The following SPESP1 variants were observed in gnomAD, a reference collection of about 807,000 sequenced individuals.
SPESP1 encodes equatorial segment protein.
A neutral mutation model predicts 3.1 loss-of-function variants in SPESP1; 1 was observed. That is an observed-to-expected ratio of 0.33 (90% CI 0.12 to 1.54). SPESP1 has a LOEUF of 1.54. Among genes scored for constraint, SPESP1 ranks in the 40% most tolerant of loss-of-function variants. The pLI is 0.38. For synonymous variants in SPESP1, 138 were observed against 150.7 expected (o/e 0.92, Z 0.62); for missense variants, 398 against 410.1 (o/e 0.97, Z 0.26).
chr15:68,933,794 G>A (rs1895614200), intron 1 of SPESP1, among the ~76,000 whole-genome samples: 1 of 151,912 alleles, frequency 6.6e-6, no homozygotes, highest in South Asian at 2.1e-4. Context: ...AGGAGGTAGA[G>A]GTTGCAGTGA....
chr15:68,942,016 G>T (rs567177833), intron 1 of SPESP1, among the ~76,000 whole-genome samples: 1 of 152,080 alleles, frequency 6.6e-6, no homozygotes, highest in Non-Finnish European at 1.5e-5. Flanking sequence ...TACAGTTGGG[G>T]TTTCACCATG....
At position 68,945,715 on chromosome 15, in the gene SPESP1, C is replaced by T. The variant is rs750169988; in HGVS notation, c.181C>T (p.Pro61Ser). 4.3e-6 allele frequency: 7 copies of T among 1,614,034 alleles called. No individual in the cohort carries two copies. The highest frequency in any genetic ancestry group is 5.9e-6 in the Non-Finnish European group (7 of 1,180,006). ...AGGTCGTGAGAAAAAATCTAACTCTCCAAAACATGTTTATTCTATAGCATC... is the reference window on the plus strand; with the variant it reads ...AGGTCGTGAGAAAAAATCTAACTCTTCAAAACATGTTTATTCTATAGCATC... ...EPGREKKSNS[P>S]KHVYSIASKG... Residue 61 changes from proline (P) to serine (S), a missense_variant, in exon 2 of 2, where the codon CCA (proline) becomes TCA (serine). By Grantham distance (74) the Pro-to-Ser change is moderately conservative. Coordinates refer to ENST00000310673, the MANE Select transcript of SPESP1 (RefSeq NM_145658.4).
At chr15:68,934,463 A>C (rs1384281917) in intron 1 of SPESP1, among the ~76,000 whole-genome samples, 1 of 152,210 alleles carries the variant, frequency 6.6e-6, no homozygotes, top group Non-Finnish European at 1.5e-5. Context: ...ACAGCATTTA[A>C]AAGGTCTCTC....
rs771973965 is a variant in SPESP1 at position 68,946,055 on chromosome 15, T to C, written c.521T>C (p.Val174Ala). 2.2e-5 allele frequency: 36 copies of C among 1,614,070 alleles called. No homozygotes were observed. The highest frequency in any genetic ancestry group is 3.1e-5 in the Non-Finnish European group (36 of 1,180,034). ...VVTESSTSPY[V>A]TSYKSPVTTL... is the part of the protein sequence containing the mutation. Reference sequence around the variant, plus strand: ...ACTGAATCATCTACAAGTCCATATGTTACCTCATACAAGTCACCTGTCACC... The same window carrying C: ...ACTGAATCATCTACAAGTCCATATGCTACCTCATACAAGTCACCTGTCACC... The change falls in exon 2 of 2, where the codon GTT becomes GCT. Residue 174 changes from valine (V) to alanine (A), a missense_variant. Coordinates refer to ENST00000310673, the MANE Select transcript of SPESP1 (RefSeq NM_145658.4).
chr15:68,946,472 A>G lies in SPESP1; in HGVS notation c.938A>G (p.Tyr313Cys). 3 of 1,613,760 alleles carry G rather than the reference A, an allele frequency of 1.9e-6. No individual in the cohort carries two copies. Among genetic ancestry groups the G allele is most frequent in the Non-Finnish European group, 2.5e-6 (3 of 1,179,946 alleles). ...AATTCTAGATCTAAACTCTATGAATATTTAGATATTAAATGTGTTCCACCA... is the reference window on the plus strand; with the variant it reads ...AATTCTAGATCTAAACTCTATGAATGTTTAGATATTAAATGTGTTCCACCA... ...LCNSRSKLYE[Y>C]LDIKCVPPEM... The change falls in exon 2 of 2, where the codon TAT becomes TGT. Residue 313 changes from tyrosine to cysteine, a missense_variant. Physicochemically the swap from Tyr to Cys is radical, Grantham distance 194. Transcript: ENST00000310673.
chr15:68,938,704 A>G (rs1895743344), intron 1 of SPESP1, among the ~76,000 whole-genome samples: 1 of 152,238 alleles, frequency 6.6e-6, no homozygotes, highest in African/African-American at 2.4e-5. Context: ...CTTTGCCAGC[A>G]TCCTTGTGTC....
Position 68,946,397 on chromosome 15 carries a change from G to A in SPESP1, c.863G>A (p.Arg288Gln), listed in dbSNP as rs142183563. The A allele has an allele frequency of 1.2e-5, 19 of 1,613,840 alleles. No individual in the cohort carries two copies. Among genetic ancestry groups the A allele is most frequent in the Middle Eastern group, 1.6e-4 (1 of 6,084 alleles). ...MYKSQLLPVG[R>Q]TSNKIDDIET... ...AAGTCCCAGTTATTGCCAGTAGGAC[G>A]AACAAGTAATAAAATTGATGACATC... Residue 288 changes from arginine to glutamine, a missense_variant, in exon 2 of 2, where the codon CGA (arginine) becomes CAA (glutamine). Physicochemically the swap from Arg to Gln is conservative, Grantham distance 43. Transcript: ENST00000310673.
Position 68,930,682 on chromosome 15 carries a change from T to A in SPESP1, c.29T>A (p.Leu10His). 1.2e-6 allele frequency: 2 copies of A among 1,614,006 alleles called. No individual in the cohort carries two copies. Among genetic ancestry groups the A allele is most frequent in the South Asian group, 2.2e-5 (2 of 91,092 alleles). The change falls in exon 1 of 2, where the codon CTT (leucine) becomes CAT (histidine). Residue 10 changes from leucine to histidine, a missense_variant. By Grantham distance (99) the Leu-to-His change is moderately conservative (BLOSUM62 -3). Coordinates refer to ENST00000310673, the MANE Select transcript of SPESP1 (RefSeq NM_145658.4). ...AAGCCCTTAGTCCTTCTAGTTGCGC[T>A]TTTGCTATGGCCTTCGTCTGTGCCG... is the stretch of plus-strand genomic sequence containing the variant. MKPLVLLVA[L>H]LLWPSSVPAY...
At position 68,946,537 on chromosome 15, in the gene SPESP1, A is replaced by C; in HGVS notation, c.1003A>C (p.Lys335Gln). Residue 335 changes from lysine to glutamine, a missense_variant, in exon 2 of 2, where the codon AAA becomes CAA. Coordinates refer to ENST00000310673, the MANE Select transcript of SPESP1 (RefSeq NM_145658.4). ...AGCTGCTACAGTATTCAATACATTA[A>C]AAAATATGTGTAGATCAAGGAGAGT... ...EKAATVFNTL[K>Q]NMCRSRRVTA... 1 of 1,582,810 alleles carries C rather than the reference A, an allele frequency of 6.3e-7. No homozygotes were observed. Among genetic ancestry groups the C allele is most frequent in the Non-Finnish European group, 8.5e-7 (1 of 1,170,726 alleles).
intron 1 of SPESP1, among the ~76,000 whole-genome samples, chr15:68,932,874 A>G (rs1895586052): frequency 6.6e-6 from 1 of 152,252 alleles, no homozygotes; most frequent in Non-Finnish European, 1.5e-5. Flanking sequence ...TGGAATATGT[A>G]ATTACCTTTC....
chr15:68,940,725 A>C (rs967839186), intron 1 of SPESP1, among the ~76,000 whole-genome samples: 1 of 146,208 alleles, frequency 6.8e-6, no homozygotes, highest in Non-Finnish European at 1.5e-5. Flanking sequence ...TGTTAGTTAT[A>C]TCTAGGGAGA....
At chr15:68,936,975 T>C (rs928084108) in intron 1 of SPESP1, among the ~76,000 whole-genome samples, 1 of 152,160 alleles carries the variant, frequency 6.6e-6, no homozygotes, top group African/African-American at 2.4e-5. Context: ...TCTTTTATTA[T>C]AAAAAACTGC....
chr15:68,945,506 G>GCA lies in SPESP1; in HGVS notation c.65-92_65-91dup, dbSNP rs1895935360. Reference sequence around the variant, plus strand: ...TCTTTATTTCAATTTTTAAGTGATAGCATATGAAATAAATTTTGGTCAGTA... The same window carrying GCA: ...TCTTTATTTCAATTTTTAAGTGATAGCACATATGAAATAAATTTTGGTCAGTA... On this transcript the variant is annotated intron_variant, in intron 1 of 1. Transcript: ENST00000310673. The GCA allele has an allele frequency of 2.0e-5, 20 of 987,370 alleles. No individual in the cohort carries two copies. In the East Asian group the frequency reaches 5.9e-4, roughly 29 times the overall value. 61.2% of individuals were successfully genotyped at this position (987,370 alleles called of 1,614,324 possible).
Position 68,945,694 on chromosome 15 carries a change from C to G in SPESP1, c.160C>G (p.Arg54Gly). Residue 54 changes from arginine to glycine, a missense_variant, in exon 2 of 2, where the codon CGT (arginine) becomes GGT (glycine). By Grantham distance (125) the Arg-to-Gly change is moderately radical (BLOSUM62 -2). Coordinates refer to ENST00000310673, the MANE Select transcript of SPESP1 (RefSeq NM_145658.4). Reference protein sequence around the residue: ...VRSVPSGEPGREKKSNSPKHV... With the variant: ...VRSVPSGEPGGEKKSNSPKHV... ...AAGTGTTCCCTCTGGGGAGCCAGGT[C>G]GTGAGAAAAAATCTAACTCTCCAAA... 6.2e-7 allele frequency: 1 copy of G among 1,613,780 alleles called. No homozygotes were observed. The highest frequency in any genetic ancestry group is 8.5e-7 in the Non-Finnish European group (1 of 1,179,926).
intron 1 of SPESP1, among the ~76,000 whole-genome samples, chr15:68,938,679 A>G (rs1397214258): frequency 6.6e-6 from 1 of 152,214 alleles, no homozygotes; most frequent in Non-Finnish European, 1.5e-5. Flanking sequence ...TAATTTTATC[A>G]CAACACTAAT....
intron 1 of SPESP1, among the ~76,000 whole-genome samples, chr15:68,938,940 G>T (rs1172578557): frequency 1.3e-5 from 2 of 152,194 alleles, no homozygotes; most frequent in Non-Finnish European, 2.9e-5. Context: ...AAGCTATTAG[G>T]ATCTTTTAAA....
chr15:68,934,132 A>G (rs1238722229), intron 1 of SPESP1, among the ~76,000 whole-genome samples: 3 of 152,114 alleles, frequency 2.0e-5, no homozygotes, highest in African/African-American at 7.2e-5. Flanking sequence ...CAAATAAATT[A>G]TTTCCTCTAG....
intron 1 of SPESP1, among the ~76,000 whole-genome samples, chr15:68,933,152 T>C (rs2140417273): frequency 6.6e-6 from 1 of 152,330 alleles, no homozygotes; most frequent in East Asian, 1.9e-4. Flanking sequence ...TCTAGACTAC[T>C]AGACAGTTTT....
In SPESP1 at chr15:68,946,259, T is replaced by G; in HGVS notation, c.725T>G (p.Leu242Arg). The G allele has an allele frequency of 1.2e-6, 2 of 1,614,102 alleles. No individual in the cohort carries two copies. The highest frequency in any genetic ancestry group is 1.7e-6 in the Non-Finnish European group (2 of 1,180,030). Residue 242 changes from leucine to arginine, a missense_variant, in exon 2 of 2, where the codon CTT becomes CGT. Coordinates refer to ENST00000310673, the MANE Select transcript of SPESP1 (RefSeq NM_145658.4). Reference sequence around the variant, plus strand: ...AATTCACAAGTGCAACAGGCACTTCTTAGTGACACCAGCAACCCAGCATAT... The same window carrying G: ...AATTCACAAGTGCAACAGGCACTTCGTAGTGACACCAGCAACCCAGCATAT... The part of the protein sequence containing the change: ...DINSQVQQAL[L>R]SDTSNPAYRE...
Sources: gnomAD v4.1 joint callset for allele counts (sites outside exome capture counted in the v4.1 genomes callset) on GRCh38, gnomAD v4.1.1 for gene constraint, MANE v1.5 for transcripts, NCBI Gene and HGNC (gene_info 2026-07-23, HGNC 2026-07-21) for gene names.